DENND2C: variants seen among roughly 807,000 people sequenced by gnomAD.
DENND2C encodes DENN domain-containing protein 2C.
In DENND2C, 72 loss-of-function variants were observed where a neutral mutation model predicts 112.4. That is an observed-to-expected ratio of 0.64 (90% confidence interval 0.53 to 0.78). The LOEUF (loss-of-function observed/expected upper bound fraction) is 0.78, where lower values mean the gene tolerates loss of function less well. Among genes scored for constraint, DENND2C ranks in the 30% least tolerant of loss-of-function variants. DENND2C has a pLI of 0.00. For missense variants in DENND2C, 992 were observed against 1,113.8 expected, an observed-to-expected ratio of 0.89 and a Z score of 1.56; for synonymous variants, 329 against 381.6, an observed-to-expected ratio of 0.86 and a Z score of 1.61.
chr1:114,636,579 G>A (rs1656662653), intron 3 of DENND2C, among the ~76,000 whole-genome samples: 1 of 152,086 alleles, frequency 6.6e-6, no homozygotes, highest in South Asian at 2.1e-4. Context: ...GTGGGAATGG[G>A]GGGAGGACTG....
intron 9 of DENND2C, among the ~76,000 whole-genome samples, chr1:114,609,219 G>A (rs531476859): frequency 3.3e-5 from 5 of 152,318 alleles, no homozygotes; most frequent in East Asian, 3.9e-4. Flanking sequence ...ACGAAAAAGC[G>A]CTAGACTGAC....
At chr1:114,591,953 T>A (rs1225961359) in intron 18 of DENND2C, among the ~76,000 whole-genome samples, 1 of 151,818 alleles carries the variant, frequency 6.6e-6, no homozygotes, top group African/African-American at 2.4e-5. Flanking sequence ...GGCACAATCT[T>A]GGCTCACTGC....
intron 1 of DENND2C, among the ~76,000 whole-genome samples, chr1:114,664,966 C>T (rs1440361686): frequency 5.3e-5 from 8 of 151,660 alleles, no homozygotes; most frequent in South Asian, 2.1e-4. Flanking sequence ...TGGTGGTGTG[C>T]GCCTGTAGTC....
At chr1:114,612,904 A>G (rs931543271) in intron 8 of DENND2C, among the ~76,000 whole-genome samples, 74 of 151,450 alleles carry the variant, frequency 4.9e-4, no homozygotes, top group African/African-American at 1.7e-3. Context: ...CAAGTGATCC[A>G]CCCGCCTCAG....
chr1:114,608,476 A>G (rs1655721490), intron 10 of DENND2C, among the ~76,000 whole-genome samples: 1 of 152,210 alleles, frequency 6.6e-6, no homozygotes, highest in African/African-American at 2.4e-5. Flanking sequence ...TTAAAAAACT[A>G]ACTAGGAAAA....
chr1:114,655,883 A>AATATATATAT (rs10525704), intron 1 of DENND2C, among the ~76,000 whole-genome samples: 8,982 of 125,762 alleles, frequency 0.071, 577 homozygotes, highest in African/African-American at 0.17. Flanking sequence ...TATATGTATA[A>AATATATATAT]ATATATATAT....
At chr1:114,595,482 CAAAA>C (rs1200426049) in intron 17 of DENND2C, 48 of 69,224 alleles carry the variant, frequency 6.9e-4, no homozygotes, top group South Asian at 2.4e-3. Flanking sequence ...GACTCCATCT[CAAAA>C]AAAAAAAAAA....
chr1:114,632,081 T>C (rs183496541), intron 3 of DENND2C, among the ~76,000 whole-genome samples: 19 of 152,004 alleles, frequency 1.2e-4, no homozygotes, highest in East Asian at 5.8e-4. Flanking sequence ...TAAGTAGCAA[T>C]AGAAACTGTT....
At chr1:114,598,854 G>A (rs556172950) in intron 16 of DENND2C, among the ~76,000 whole-genome samples, 88 of 152,094 alleles carry the variant, frequency 5.8e-4, no homozygotes, top group South Asian at 1.2e-3. Context: ...GCTAATTTTT[G>A]TCTTTTTAGT....
chr1:114,634,534 A>G (rs1359713958), intron 3 of DENND2C, among the ~76,000 whole-genome samples: 3 of 152,156 alleles, frequency 2.0e-5, no homozygotes, highest in African/African-American at 7.2e-5. Flanking sequence ...CCAATAGACC[A>G]TATGTTGGGC....
chr1:114,658,298 A>G (rs1371450674), intron 1 of DENND2C, among the ~76,000 whole-genome samples: 1 of 152,228 alleles, frequency 6.6e-6, no homozygotes, highest in African/African-American at 2.4e-5. Context: ...AAGAAGAAAA[A>G]GCATCAGATA....
intron 1 of DENND2C, among the ~76,000 whole-genome samples, chr1:114,656,950 CA>C (rs1384188997): frequency 6.6e-6 from 1 of 151,756 alleles, no homozygotes; most frequent in Admixed American, 6.6e-5. Context: ...GGGGTTTCCC[CA>C]TGTTGGCCAG....
chr1:114,605,120 G>T (rs1361216092), intron 10 of DENND2C, 89 bp from the exon 11 acceptor site: 1 of 924,332 alleles, frequency 1.1e-6, no homozygotes, highest in Non-Finnish European at 1.6e-6. Context: ...CAGGAAAAAA[G>T]GTCTCTGATA....
intron 19 of DENND2C, 64 bp from the exon 20 acceptor site, chr1:114,587,537 T>A: frequency 6.3e-7 from 1 of 1,576,436 alleles, no homozygotes; most frequent in Non-Finnish European, 8.7e-7. Flanking sequence ...TACATAAAAT[T>A]CTGTGCTTAT....
Position 114,585,405 on chromosome 1 carries a change from C to T in DENND2C, c.*195G>A. 1.7e-6 allele frequency: 1 copy of T among 594,988 alleles called. No homozygotes were observed. Among genetic ancestry groups the T allele is most frequent in the Non-Finnish European group, 3.0e-6 (1 of 333,252 alleles). 36.9% of individuals were successfully genotyped at this position (594,988 alleles called of 1,614,324 possible). On this transcript the variant is annotated 3_prime_UTR_variant, in exon 21 of 21. Coordinates refer to ENST00000393274, the MANE Select transcript of DENND2C (RefSeq NM_001256404.2). ...GAGACAGAGTAAAGATGGCATGGTG[C>T]CAGACCATTCCCAACAATTCTCCAG...
chr1:114,647,016 T>C (rs1657008516), intron 2 of DENND2C, among the ~76,000 whole-genome samples: 1 of 152,112 alleles, frequency 6.6e-6, no homozygotes, highest in East Asian at 1.9e-4. Context: ...AAAAATAAGC[T>C]GGACGTGGTG....
In DENND2C at chr1:114,587,715, C is replaced by T; in HGVS notation, c.2668+1G>A. The T allele has an allele frequency of 6.2e-7, 1 of 1,605,472 alleles. No homozygotes were observed. Among genetic ancestry groups the T allele is most frequent in the Non-Finnish European group, 8.5e-7 (1 of 1,174,798 alleles). ...AGGGAGAACTTTATAATGAAACTGA[C>T]CTTTAACTCCACTTTTCCGAAGCTC... On this transcript the variant is annotated splice_donor_variant, in intron 19 of 20. Coordinates refer to ENST00000393274, the MANE Select transcript of DENND2C (RefSeq NM_001256404.2). LOFTEE classifies it high-confidence loss of function.
chr1:114,603,323 G>C (rs1655568828), intron 11 of DENND2C, among the ~76,000 whole-genome samples: 2 of 151,746 alleles, frequency 1.3e-5, no homozygotes, highest in South Asian at 2.1e-4. Flanking sequence ...ATTTTTAGTA[G>C]AGACGGGGTT....
At chr1:114,638,711 G>C (rs1196253287) in intron 3 of DENND2C, among the ~76,000 whole-genome samples, 1 of 141,358 alleles carries the variant, frequency 7.1e-6, no homozygotes, top group African/African-American at 2.6e-5. Flanking sequence ...TGTAGTGAGC[G>C]ATGATTACAC....
Sources: gnomAD v4.1 joint callset for allele counts (sites outside exome capture counted in the v4.1 genomes callset) on GRCh38, gnomAD v4.1.1 for gene constraint, MANE v1.5 for transcripts, NCBI Gene and HGNC (gene_info 2026-07-23, HGNC 2026-07-21) for gene names.